Variants in LAMA2 observed in about 807,000 individuals in gnomAD.
LAMA2 encodes laminin subunit alpha 2, also known as laminin subunit alpha-2.
Under a neutral mutation model 364.8 loss-of-function variants are expected in LAMA2, and 269 were observed. The observed-to-expected ratio is 0.74, with a 90% CI of 0.67 to 0.82. The LOEUF (loss-of-function observed/expected upper bound fraction) is 0.82, where lower values mean the gene tolerates loss of function less well. Ranked by LOEUF, LAMA2 falls within the 40% of genes least tolerant of loss-of-function variation. The probability of loss-of-function intolerance (pLI) is 0.00; values close to 1 mark genes in which losing one functional copy is unlikely to be tolerated. For synonymous variants in LAMA2, 1,379 were observed against 1,370.6 expected (o/e 1.01, Z -0.14); for missense variants, 3,807 against 3,873.2 (o/e 0.98, Z 0.45).
chr6:128,966,691 CCATT>C (rs1167424482), intron 1 of LAMA2, among the ~76,000 whole-genome samples: 2 of 152,028 alleles, frequency 1.3e-5, no homozygotes, highest in Non-Finnish European at 2.9e-5. Context: ...TAAAAACTAT[CCATT>C]CATTAATCCT....
At chr6:129,451,700 AAATCCCTCTT>A (rs1463701452) in intron 45 of LAMA2, among the ~76,000 whole-genome samples, 4 of 152,174 alleles carry the variant, frequency 2.6e-5, no homozygotes, top group Non-Finnish European at 5.9e-5. Context: ...CCTATTGCAA[AAATCCCTCTT>A]TAGCCTTCTC....
intron 62 of LAMA2, among the ~76,000 whole-genome samples, chr6:129,508,699 C>G (rs73600882): frequency 0.042 from 6,398 of 152,220 alleles, 462 homozygotes; most frequent in African/African-American, 0.15. Context: ...ATGATAGGAT[C>G]TCATTCTTTT....
At chr6:129,389,613 G>T (rs190687733) in intron 35 of LAMA2, among the ~76,000 whole-genome samples, 6 of 152,160 alleles carry the variant, frequency 3.9e-5, no homozygotes, top group Non-Finnish European at 8.8e-5. Flanking sequence ...AAGAAAAGAC[G>T]TATAAATTGA....
rs929565757 is a variant in LAMA2, at chr6:128,883,485, G to A, written c.112+128G>A. Reference sequence around the variant, plus strand: ...TTCGCCTTCAGAGAGTGCGCTCTGGGGCAAGAGGAACTTGAAGCAAGTTCA... The same window carrying A: ...TTCGCCTTCAGAGAGTGCGCTCTGGAGCAAGAGGAACTTGAAGCAAGTTCA... On this transcript the variant is annotated intron_variant, in intron 1 of 64. Coordinates refer to ENST00000421865, the MANE Select transcript of LAMA2 (RefSeq NM_000426.4). The A allele has an allele frequency of 3.6e-5, 52 of 1,463,446 alleles. No individual in the cohort carries two copies. In the East Asian group the frequency reaches 1.1e-3, roughly 31 times the overall value. 90.7% of individuals were successfully genotyped at this position (1,463,446 alleles called of 1,614,324 possible). A position where few individuals can be genotyped will look rare whatever the true frequency, so the allele number is the denominator to read the frequency against.
At chr6:129,077,381 T>G (rs1773730840) in intron 3 of LAMA2, among the ~76,000 whole-genome samples, 1 of 152,158 alleles carries the variant, frequency 6.6e-6, no homozygotes, top group South Asian at 2.1e-4. Flanking sequence ...AAAATTAAAC[T>G]AGTGACAAAA....
intron 3 of LAMA2, among the ~76,000 whole-genome samples, chr6:129,068,656 T>C (rs907983233): frequency 3.3e-5 from 5 of 152,226 alleles, no homozygotes; most frequent in South Asian, 2.1e-4. Flanking sequence ...ATTCAGTCTA[T>C]AGAAAGCGTG....
intron 1 of LAMA2, among the ~76,000 whole-genome samples, chr6:129,033,092 T>G (rs1786353293): frequency 6.6e-6 from 1 of 152,040 alleles, no homozygotes; most frequent in Non-Finnish European, 1.5e-5. Flanking sequence ...GAGATATAAC[T>G]TGGGAGTTAT....
At chr6:129,291,871 T>C in intron 20 of LAMA2, 151 bp downstream of exon 20, 1 of 671,794 alleles carries the variant, frequency 1.5e-6, no homozygotes, top group East Asian at 2.7e-5. Flanking sequence ...GTGAAAAGTT[T>C]TTTTCAAACT....
At chr6:129,091,172 CA>C (rs1774802590) in intron 3 of LAMA2, among the ~76,000 whole-genome samples, 1 of 152,120 alleles carries the variant, frequency 6.6e-6, no homozygotes, top group Non-Finnish European at 1.5e-5. Context: ...TGCTATTTTT[CA>C]GAGCTAGACT....
chr6:129,432,507 A>G (rs1028735462), intron 41 of LAMA2, among the ~76,000 whole-genome samples: 7 of 152,196 alleles, frequency 4.6e-5, no homozygotes, highest in Non-Finnish European at 7.4e-5. Context: ...CTAAAAACTT[A>G]TCTGGGCTTT....
intron 1 of LAMA2, among the ~76,000 whole-genome samples, chr6:129,047,992 A>G (rs1269466785): frequency 6.6e-6 from 1 of 152,192 alleles, no homozygotes; most frequent in Admixed American, 6.5e-5. Flanking sequence ...TTCAAATCAT[A>G]GCTCTGCTAC....
At chr6:129,101,935 ACT>A (rs1389667406) in intron 4 of LAMA2, among the ~76,000 whole-genome samples, 1 of 151,220 alleles carries the variant, frequency 6.6e-6, no homozygotes, top group Non-Finnish European at 1.5e-5. Context: ...TGTATTTTAA[ACT>A]CTCTTCTTTA....
Position 129,507,540 on chromosome 6 carries a change from C to G in LAMA2, c.8755C>G (p.Pro2919Ala), listed in dbSNP as rs143026295. 1 of 1,614,044 alleles carries G rather than the reference C, an allele frequency of 6.2e-7. No individual in the cohort carries two copies. The highest frequency in any genetic ancestry group is 1.1e-5 in the South Asian group (1 of 91,084). ...CAGGAATCTCCACATGGCAGAGGCC[C>G]CTGCCGATCTGGAACAACCCACCTC... ...CVRNLHMAEA[P>A]ADLEQPTSSF... The change falls in exon 62 of 65, where the codon CCT becomes GCT. Residue 2919 changes from proline (P) to alanine (A), a missense_variant. Around this residue, in one of 3 missense-constraint regions of LAMA2, gnomAD observed 3,333 missense variants for 3,345.7 expected, o/e 1.00. Transcript: ENST00000421865.
At chr6:129,146,064 A>G in intron 5 of LAMA2, among the ~76,000 whole-genome samples, 1 of 150,180 alleles carries the variant, frequency 6.7e-6, no homozygotes, top group Non-Finnish European at 1.5e-5. Flanking sequence ...AAAAACAAAT[A>G]GAAGGAAAAA....
intron 34 of LAMA2, among the ~76,000 whole-genome samples, chr6:129,377,404 T>G (rs1778433470): frequency 6.6e-6 from 1 of 152,026 alleles, no homozygotes; most frequent in South Asian, 2.1e-4. Flanking sequence ...ATATATATAA[T>G]ATAAAACAAG....
chr6:129,280,942 G>A (rs747504284), intron 18 of LAMA2, among the ~76,000 whole-genome samples: 1 of 152,108 alleles, frequency 6.6e-6, no homozygotes, highest in Non-Finnish European at 1.5e-5. Context: ...TAACCCTGAA[G>A]AGGGCTGTTT....
At chr6:129,411,953 C>T (rs1192030404) in intron 40 of LAMA2, among the ~76,000 whole-genome samples, 3 of 151,726 alleles carry the variant, frequency 2.0e-5, no homozygotes, top group Non-Finnish European at 4.4e-5. Context: ...GAAAATGGGG[C>T]AGGTAGTCAG....
intron 1 of LAMA2, among the ~76,000 whole-genome samples, chr6:128,952,650 C>G (rs770066956): frequency 6.6e-6 from 1 of 152,086 alleles, no homozygotes; most frequent in Non-Finnish European, 1.5e-5. Context: ...AAGAGTCACA[C>G]TTTTATATTA....
chr6:129,083,188 G>A (rs555970031), intron 3 of LAMA2, among the ~76,000 whole-genome samples: 2 of 151,998 alleles, frequency 1.3e-5, no homozygotes, highest in Non-Finnish European at 2.9e-5. Flanking sequence ...TTTTGTAACT[G>A]GATATTATAT....
Sources: gnomAD v4.1 joint callset for allele counts (sites outside exome capture counted in the v4.1 genomes callset) on GRCh38, gnomAD v4.1.1 for gene constraint, gnomAD v4.1.1 regional missense constraint, MANE v1.5 for transcripts, NCBI Gene and HGNC (gene_info 2026-07-23, HGNC 2026-07-21) for gene names.